Variants in RASA2 observed in about 807,000 individuals in gnomAD.
RASA2 encodes the protein ras GTPase-activating protein 2.
A neutral mutation model predicts 118.2 loss-of-function variants in RASA2; 155 were observed. The observed-to-expected ratio is 1.31, with a 90% CI of 1.15 to 1.50. RASA2 has a LOEUF of 1.50. Ranked by LOEUF, RASA2 falls within the 40% of genes most tolerant of loss-of-function variation. RASA2 has a pLI of 0.00. For synonymous variants in RASA2, 353 were observed against 349.1 expected (o/e 1.01, Z -0.12); for missense variants, 1,016 against 1,009.6 (o/e 1.01, Z -0.09).
rs368791111 is a variant in RASA2, at chr3:141,492,928, A to G, written c.133+5712A>G. 3.9e-5 allele frequency among the ~76,000 whole-genome samples: 6 copies of G among 152,284 alleles called. No individual in the cohort carries two copies. The East Asian group carries it at 1.2e-3, about 29-fold the overall frequency. On this transcript the variant is annotated intron_variant, in intron 1 of 23. Transcript: ENST00000286364. ...TGAATCGGATGAAAGATCCTATTTT[A>G]TCCTAAAGTCTATACTAAGCAATAG...
chr3:141,607,993 T>C (rs1286889774), intron 20 of RASA2, among the ~76,000 whole-genome samples: 1 of 152,200 alleles, frequency 6.6e-6, no homozygotes, highest in Non-Finnish European at 1.5e-5. Flanking sequence ...ATGCCTCATA[T>C]AGCTTGCCTA....
At chr3:141,523,723 A>G (rs1484915967) in intron 3 of RASA2, among the ~76,000 whole-genome samples, 1 of 152,176 alleles carries the variant, frequency 6.6e-6, no homozygotes. Flanking sequence ...CTATCTTAGT[A>G]GACTCTGGCA....
intron 1 of RASA2, among the ~76,000 whole-genome samples, chr3:141,504,680 T>A (rs1055549151): frequency 3.3e-5 from 5 of 152,150 alleles, no homozygotes; most frequent in Non-Finnish European, 7.4e-5. Context: ...CTGCACTGAT[T>A]TTAAAACAAA....
intron 7 of RASA2, 52 bp downstream of exon 7, chr3:141,555,964 C>T (rs2082643867): frequency 1.5e-6 from 2 of 1,335,328 alleles, no homozygotes; most frequent in Non-Finnish European, 2.1e-6. Flanking sequence ...ATATTTAATG[C>T]TAGTTGATTT....
chr3:141,569,178 A>C (rs760798282), intron 9 of RASA2, among the ~76,000 whole-genome samples: 2 of 152,156 alleles, frequency 1.3e-5, no homozygotes, highest in Non-Finnish European at 2.9e-5. Context: ...GAATACAGTT[A>C]AGTTTTTTTC....
chr3:141,533,461 A>G (rs980032536), intron 4 of RASA2, among the ~76,000 whole-genome samples: 2 of 152,196 alleles, frequency 1.3e-5, no homozygotes, highest in African/African-American at 4.8e-5. Context: ...TGTCAGCGCA[A>G]AGGGTTCCCT....
At chr3:141,561,140 T>C (rs561011280) in intron 9 of RASA2, among the ~76,000 whole-genome samples, 1 of 152,286 alleles carries the variant, frequency 6.6e-6, no homozygotes, top group South Asian at 2.1e-4. Context: ...TTGGGACCTG[T>C]CATCCTCCCA....
At chr3:141,574,398 C>T (rs958095978) in intron 14 of RASA2, among the ~76,000 whole-genome samples, 1 of 151,992 alleles carries the variant, frequency 6.6e-6, no homozygotes, top group Admixed American at 6.6e-5. Context: ...ACCATGTTAG[C>T]CAGGATAGTC....
Position 141,610,007 on chromosome 3 carries a change from G to A in RASA2, c.2460G>A (p.Leu820=), listed in dbSNP as rs371520413. The change falls in exon 23 of 24, where the codon CTG becomes CTA. Residue 820 remains leucine, a synonymous_variant. Transcript: ENST00000286364. ...IQQIKSIIEK[L]DEPHEKYRKK... ...AAATAAAAAGCATAATTGAGAAGCT[G>A]GATGAACCTCATGAAAAATATAGGA... 2.9e-5 allele frequency: 47 copies of A among 1,604,344 alleles called. No individual in the cohort carries two copies. The highest frequency in any genetic ancestry group is 3.6e-5 in the Non-Finnish European group (42 of 1,175,586).
intron 1 of RASA2, among the ~76,000 whole-genome samples, chr3:141,495,499 T>A (rs2151069010): frequency 6.6e-6 from 1 of 152,246 alleles, no homozygotes; most frequent in African/African-American, 2.4e-5. Context: ...AAAATATTGG[T>A]AAAGTAAAAA....
At chr3:141,503,043 T>G (rs956329638) in intron 1 of RASA2, among the ~76,000 whole-genome samples, 1 of 152,174 alleles carries the variant, frequency 6.6e-6, no homozygotes, top group Non-Finnish European at 1.5e-5. Flanking sequence ...TCTTAATTTA[T>G]GAAAGGGAAT....
intron 5 of RASA2, among the ~76,000 whole-genome samples, chr3:141,547,378 A>G (rs1280415643): frequency 6.6e-6 from 1 of 152,132 alleles, no homozygotes; most frequent in Non-Finnish European, 1.5e-5. Context: ...AATTTCCTGC[A>G]TCAGTGTTTT....
At chr3:141,560,755 A>G (rs1301435185) in intron 9 of RASA2, among the ~76,000 whole-genome samples, 3 of 152,106 alleles carry the variant, frequency 2.0e-5, no homozygotes, top group Non-Finnish European at 4.4e-5. Context: ...TTTGGTTTCA[A>G]CTGGGTATAA....
intron 17 of RASA2, among the ~76,000 whole-genome samples, chr3:141,581,750 G>GT (rs1386512965): frequency 2.0e-5 from 3 of 152,070 alleles, no homozygotes; most frequent in Admixed American, 1.3e-4. Context: ...TAAATTTATG[G>GT]TAGTAACCTG....
chr3:141,493,066 A>G (rs964189315), intron 1 of RASA2, among the ~76,000 whole-genome samples: 10 of 152,212 alleles, frequency 6.6e-5, no homozygotes, highest in African/African-American at 2.4e-4. Context: ...CAAATGAAGA[A>G]TCTAACAGAG....
chr3:141,567,289 G>A (rs1416140589), intron 9 of RASA2, among the ~76,000 whole-genome samples: 7 of 151,656 alleles, frequency 4.6e-5, no homozygotes, highest in Admixed American at 1.3e-4. Flanking sequence ...GGTGGCCCGC[G>A]CCTGTAGTCC....
At position 141,559,912 on chromosome 3, in the gene RASA2, T is replaced by C. The variant is rs372817085; in HGVS notation, c.780T>C (p.Asn260=). The C allele has an allele frequency of 2.5e-6, 4 of 1,613,024 alleles. No individual in the cohort carries two copies. In the African/African-American group the frequency reaches 5.3e-5, roughly 22 times the overall value. ...KLEIRIDLWN[N]GNLVQDVFLG... is the part of the protein sequence containing the mutation. ...TTTTCAGGATCGACTTGTGGAACAA[T>C]GGAAACCTAGTCCAAGATGTTTTCC... is the stretch of plus-strand genomic sequence containing the variant. Residue 260 remains asparagine (N), a synonymous_variant, in exon 9 of 24, where the codon AAT becomes AAC. Coordinates refer to ENST00000286364, the MANE Select transcript of RASA2 (RefSeq NM_006506.5).
chr3:141,543,190 A>G (rs149283391), intron 5 of RASA2, among the ~76,000 whole-genome samples: 569 of 152,102 alleles, frequency 3.7e-3, no homozygotes, highest in Non-Finnish European at 6.7e-3. Context: ...TAAAAAATCT[A>G]TGGTCTCTTT....
chr3:141,611,720 AC>A (rs1232112573), intron 23 of RASA2, among the ~76,000 whole-genome samples: 1 of 152,196 alleles, frequency 6.6e-6, no homozygotes, highest in Non-Finnish European at 1.5e-5. Flanking sequence ...TTATTCATGT[AC>A]AATAAAAATC....
Sources: allele counts gnomAD v4.1 joint callset (sites outside exome capture counted in the v4.1 genomes callset), GRCh38; gene constraint gnomAD v4.1.1; transcripts MANE v1.5; gene names NCBI Gene and HGNC (gene_info 2026-07-23, HGNC 2026-07-21).